Variants in HECW2 observed in about 807,000 individuals in gnomAD.
HECW2 encodes the protein E3 ubiquitin-protein ligase HECW2.
Under a neutral mutation model 175.2 loss-of-function variants are expected in HECW2, and 61 were observed. That is an observed-to-expected ratio of 0.35 (90% CI 0.28 to 0.43). The LOEUF is 0.43. HECW2 is among the 20% of genes least tolerant of loss of function. The probability of loss-of-function intolerance (pLI) is 1.00; values close to 1 mark genes in which losing one functional copy is unlikely to be tolerated. For missense variants in HECW2, 1,524 were observed against 2,000.5 expected, an observed-to-expected ratio of 0.76 and a Z score of 4.54; for synonymous variants, 671 against 731.0, an observed-to-expected ratio of 0.92 and a Z score of 1.32.
intron 1 of HECW2, among the ~76,000 whole-genome samples, chr2:196,588,004 G>A (rs1691049518): frequency 6.6e-6 from 1 of 152,094 alleles, no homozygotes; most frequent in Non-Finnish European, 1.5e-5. Flanking sequence ...TCAGGTATTT[G>A]TATTAAGCAA....
intron 17 of HECW2, among the ~76,000 whole-genome samples, chr2:196,262,079 G>C (rs987637579): frequency 1.3e-5 from 2 of 152,210 alleles, no homozygotes; most frequent in African/African-American, 4.8e-5. Flanking sequence ...AGTCTAGAGT[G>C]CAGTGGTACA....
chr2:196,542,254 ACT>A (rs1331392066), intron 1 of HECW2, among the ~76,000 whole-genome samples: 4 of 140,174 alleles, frequency 2.9e-5, no homozygotes, highest in African/African-American at 1.2e-4. Flanking sequence ...ACAGAGTGAG[ACT>A]CTGTCTCAGA....
Position 196,240,516 on chromosome 2 carries a change from T to A in HECW2, c.3697A>T (p.Ile1233Phe). 2 of 1,612,036 alleles carry A rather than the reference T, an allele frequency of 1.2e-6. No homozygotes were observed. The highest frequency in any genetic ancestry group is 8.5e-7 in the Non-Finnish European group (1 of 1,179,360). Residue 1233 changes from isoleucine to phenylalanine, a missense_variant, in exon 21 of 29, where the codon ATT (isoleucine) becomes TTT (phenylalanine). Physicochemically the swap from Ile to Phe is conservative, Grantham distance 21. This residue lies in a region of HECW2 where 291 missense variants were observed against 412.2 expected (regional missense o/e 0.71). Coordinates refer to ENST00000644978, the MANE Select transcript of HECW2 (RefSeq NM_001348768.2). ...AGGTCTTTTCTGGAGTAGCCCATAA[T>A]CTGATTAAAAGCATCTTCTAGTAAG... ...DHLLEDAFNQ[I>F]MGYSRKDLQR...
rs1455715055 is a variant in HECW2 at position 196,238,392 on chromosome 2, G to A, written c.3764+2057C>T. 5 of 152,162 alleles carry A rather than the reference G, an allele frequency of 3.3e-5. No homozygotes were observed. In the East Asian group the frequency reaches 9.6e-4, roughly 29 times the overall value. 9.4% of individuals were successfully genotyped at this position (152,162 alleles called of 1,614,324 possible). ...TGATAGAGTCAGTGTGTTTGAGAAG[G>A]TGGCAAAGGCTAAAAGAGCTCCTTA... is the stretch of plus-strand genomic sequence containing the variant. On this transcript the variant is annotated intron_variant, in intron 21 of 28. Coordinates refer to ENST00000644978, the MANE Select transcript of HECW2 (RefSeq NM_001348768.2).
intron 17 of HECW2, among the ~76,000 whole-genome samples, chr2:196,267,280 T>A (rs922600893): frequency 6.6e-6 from 1 of 152,244 alleles, no homozygotes; most frequent in African/African-American, 2.4e-5. Context: ...ATTGAATTTT[T>A]AAATGTGCAT....
intron 1 of HECW2, among the ~76,000 whole-genome samples, chr2:196,436,391 A>G (rs1695875103): frequency 8.8e-6 from 1 of 114,018 alleles, no homozygotes; most frequent in Admixed American, 1.0e-4. Flanking sequence ...ACAGAGCGAG[A>G]CTCCATCTCA....
intron 5 of HECW2, among the ~76,000 whole-genome samples, chr2:196,327,490 G>T (rs1250200535): frequency 6.6e-6 from 1 of 152,142 alleles, no homozygotes; most frequent in East Asian, 1.9e-4. Flanking sequence ...AGCCTTATTT[G>T]CAGCATGTTT....
At chr2:196,463,452 AG>A (rs1696828745) in intron 1 of HECW2, among the ~76,000 whole-genome samples, 1 of 152,022 alleles carries the variant, frequency 6.6e-6, no homozygotes, top group Admixed American at 6.5e-5. Context: ...GAAAAAGAAA[AG>A]AAAAATTCCA....
intron 1 of HECW2, among the ~76,000 whole-genome samples, chr2:196,467,769 C>T (rs549803505): frequency 6.6e-6 from 1 of 152,302 alleles, no homozygotes; most frequent in South Asian, 2.1e-4. Context: ...CTACCTTTAT[C>T]TCACCCTCTA....
At chr2:196,389,806 G>C (rs1694454220) in intron 2 of HECW2, among the ~76,000 whole-genome samples, 1 of 152,150 alleles carries the variant, frequency 6.6e-6, no homozygotes, top group Non-Finnish European at 1.5e-5. Context: ...AGTGAGTTCA[G>C]ATGTTTAAAG....
At chr2:196,532,242 T>C (rs1025420490) in intron 1 of HECW2, among the ~76,000 whole-genome samples, 3 of 152,276 alleles carry the variant, frequency 2.0e-5, no homozygotes, top group Admixed American at 2.0e-4. Flanking sequence ...TGTCCATCAA[T>C]GATAGACTGG....
chr2:196,457,683 C>T (rs1226426171), intron 1 of HECW2, among the ~76,000 whole-genome samples: 1 of 150,216 alleles, frequency 6.7e-6, no homozygotes, highest in Non-Finnish European at 1.5e-5. Flanking sequence ...AATGAAGGAG[C>T]GGGACTATAT....
In HECW2 at chr2:196,300,954, G is replaced by T. The variant is rs181556111; in HGVS notation, c.2814+5534C>A. On this transcript the variant is annotated intron_variant, in intron 13 of 28. Coordinates refer to ENST00000644978, the MANE Select transcript of HECW2 (RefSeq NM_001348768.2). ...AGACAAATGTGTGCCATGGTGGTTT[G>T]CTGCACAGATCATCCTATCACCTAG... 2.6e-5 allele frequency among the ~76,000 whole-genome samples: 4 copies of T among 151,928 alleles called. No homozygotes were observed. The East Asian group carries it at 7.7e-4, about 29-fold the overall frequency.
chr2:196,437,795 A>G (rs1695924309), intron 1 of HECW2, among the ~76,000 whole-genome samples: 1 of 151,750 alleles, frequency 6.6e-6, no homozygotes, highest in Admixed American at 6.6e-5. Flanking sequence ...AGAAAAATGA[A>G]AGAGAGAGAG....
chr2:196,410,162 C>T (rs1695070306), intron 2 of HECW2, among the ~76,000 whole-genome samples: 2 of 152,178 alleles, frequency 1.3e-5, no homozygotes, highest in Admixed American at 6.5e-5. Flanking sequence ...GGAAATGTTG[C>T]TTCTGCTCTG....
In HECW2 at chr2:196,423,981, T is replaced by TA. The variant is rs576644585; in HGVS notation, c.292+9150dup. On this transcript the variant is annotated intron_variant, in intron 2 of 28. Coordinates refer to ENST00000644978, the MANE Select transcript of HECW2 (RefSeq NM_001348768.2). The stretch of plus-strand genomic sequence containing the variant: ...CACTTCACAGATAATGTGTTTTTTT[T>TA]ACAAATAGAAGGTGTGTGGAAACCC... Among the ~76,000 whole-genome samples the TA allele has an allele frequency of 1.9e-4, 29 of 152,172 alleles. No individual in the cohort carries two copies. In the South Asian group the frequency reaches 5.8e-3, roughly 30 times the overall value.
intron 13 of HECW2, among the ~76,000 whole-genome samples, chr2:196,295,376 A>G (rs1457446781): frequency 6.6e-6 from 1 of 152,212 alleles, no homozygotes; most frequent in Non-Finnish European, 1.5e-5. Context: ...TCAGCAAGGC[A>G]ACTGTTTTCT....
chr2:196,472,858 T>C (rs1471781761), intron 1 of HECW2, among the ~76,000 whole-genome samples: 2 of 152,216 alleles, frequency 1.3e-5, no homozygotes, highest in African/African-American at 4.8e-5. Context: ...TGATCTCAAG[T>C]GATCCACCCG....
At chr2:196,533,259 A>G (rs1320344929) in intron 1 of HECW2, among the ~76,000 whole-genome samples, 1 of 152,220 alleles carries the variant, frequency 6.6e-6, no homozygotes, top group Non-Finnish European at 1.5e-5. Context: ...TCTGTAGAGA[A>G]ACTGTAGCAA....
Sources: gnomAD v4.1 joint callset for allele counts (sites outside exome capture counted in the v4.1 genomes callset) on GRCh38, gnomAD v4.1.1 for gene constraint, gnomAD v4.1.1 regional missense constraint, MANE v1.5 for transcripts, NCBI Gene and HGNC (gene_info 2026-07-23, HGNC 2026-07-21) for gene names.